Variants in R3HDM2 observed in about 807,000 individuals in gnomAD.
R3HDM2 encodes the protein R3H domain containing 2.
A neutral mutation model predicts 124.5 loss-of-function variants in R3HDM2; 38 were observed. The observed-to-expected ratio is 0.31, with a 90% confidence interval of 0.24 to 0.40. The LOEUF (loss-of-function observed/expected upper bound fraction) is 0.40. Ranked by LOEUF, R3HDM2 falls within the 10% of genes least tolerant of loss-of-function variation. The pLI, the probability that R3HDM2 is intolerant of heterozygous loss-of-function variation, is 1.00. For synonymous variants in R3HDM2, 391 were observed against 448.0 expected, an observed-to-expected ratio of 0.87 and a Z score of 1.61; for missense variants, 869 against 1,236.9, an observed-to-expected ratio of 0.70 and a Z score of 4.46.
chr12:57,364,705 A>T (rs2062387523), intron 2 of R3HDM2, among the ~76,000 whole-genome samples: 1 of 151,978 alleles, frequency 6.6e-6, no homozygotes, highest in Admixed American at 6.6e-5. Context: ...CTGTAATCCC[A>T]GCACTTTGGG....
At chr12:57,395,434 C>T (rs528882578) in intron 2 of R3HDM2, among the ~76,000 whole-genome samples, 98 of 151,814 alleles carry the variant, frequency 6.5e-4, no homozygotes, top group Non-Finnish European at 1.0e-4. Context: ...AACCCGGGAG[C>T]GGAGGTTGCG....
chr12:57,306,971 C>T (rs1047210669), intron 3 of R3HDM2, among the ~76,000 whole-genome samples: 1 of 152,058 alleles, frequency 6.6e-6, no homozygotes, highest in Non-Finnish European at 1.5e-5. Context: ...GCCAAGATTG[C>T]GCCACTGCGC....
intron 1 of R3HDM2, among the ~76,000 whole-genome samples, chr12:57,414,131 G>A (rs577912715): frequency 6.6e-6 from 1 of 151,214 alleles, no homozygotes; most frequent in Admixed American, 6.6e-5. Context: ...TCACAGGCGT[G>A]AGCCACCTTG....
rs1268906812 is a variant in R3HDM2 at position 57,310,316 on chromosome 12, T to G, written c.113A>C (p.Lys38Thr). The change falls in exon 3 of 24, where the codon AAG becomes ACG. Residue 38 changes from lysine to threonine, a missense_variant. By Grantham distance (78) the Lys-to-Thr change is moderately conservative. Around this residue, in one of 2 missense-constraint regions of R3HDM2, gnomAD observed 267 missense variants for 447.7 expected, o/e 0.60. Coordinates refer to ENST00000402412, the MANE Select transcript of R3HDM2 (RefSeq NM_001394031.1). ...KNKFISKTPS[K>T]EEIEKECEDT... Reference sequence around the variant, plus strand: ...TTCACATTCTTTCTCAATTTCTTCCTTACTTGGAGTCTTAGATATAAACTT... The same window carrying G: ...TTCACATTCTTTCTCAATTTCTTCCGTACTTGGAGTCTTAGATATAAACTT... The G allele has an allele frequency of 6.5e-6, 10 of 1,547,752 alleles. No individual in the cohort carries two copies. The highest frequency in any genetic ancestry group is 7.9e-6 in the Non-Finnish European group (9 of 1,145,960).
chr12:57,378,351 A>G (rs921015002), intron 2 of R3HDM2, among the ~76,000 whole-genome samples: 1 of 152,068 alleles, frequency 6.6e-6, no homozygotes, highest in African/African-American at 2.4e-5. Flanking sequence ...ATTTGCTTTC[A>G]TGGATTCCAT....
chr12:57,429,311 T>C (rs1868994274), intron 1 of R3HDM2, among the ~76,000 whole-genome samples: 1 of 152,238 alleles, frequency 6.6e-6, no homozygotes, highest in Non-Finnish European at 1.5e-5. Context: ...TGTTAGGAGT[T>C]CATCAGGCCT....
intron 2 of R3HDM2, among the ~76,000 whole-genome samples, chr12:57,370,484 T>C (rs1359932658): frequency 1.5e-5 from 2 of 131,514 alleles, no homozygotes; most frequent in Non-Finnish European, 3.2e-5. Context: ...CTACTAAAAA[T>C]ACAAAATTAG....
chr12:57,331,440 A>G (rs1363901638), intron 2 of R3HDM2, among the ~76,000 whole-genome samples: 1 of 152,040 alleles, frequency 6.6e-6, no homozygotes. Context: ...CTATCAATTT[A>G]TTTTACTATT....
chr12:57,429,444 T>A (rs1028436228), intron 1 of R3HDM2, among the ~76,000 whole-genome samples: 3 of 152,132 alleles, frequency 2.0e-5, no homozygotes, highest in Non-Finnish European at 4.4e-5. Flanking sequence ...TTAAACTTTT[T>A]GTCTTTCCCG....
rs7132968 is a variant in R3HDM2 at position 57,296,845 on chromosome 12, A to G, written c.561-294T>C. On this transcript the variant is annotated intron_variant, in intron 8 of 23. Transcript: ENST00000402412. The surrounding 1 kb of genome is among the most constrained non-coding windows in gnomAD (Gnocchi z 4.5). Reference sequence around the variant, plus strand: ...TTGGGAGGCCAAGGCAGGCGGATCAATTGAGTTCAGGAGTTCAAGACCAGC... The same window carrying G: ...TTGGGAGGCCAAGGCAGGCGGATCAGTTGAGTTCAGGAGTTCAAGACCAGC... 9,769 of 268,038 alleles carry G rather than the reference A, an allele frequency of 0.036. 734 individuals are homozygous for G. Among genetic ancestry groups the G allele is most frequent in the African/African-American group, 0.18 (7,978 of 45,136 alleles). The allele number at this position is 268,038 out of a possible 1,614,324, so 16.6% of individuals were successfully genotyped here. A position where few individuals can be genotyped will look rare whatever the true frequency, so the allele number is the denominator to read the frequency against.
At position 57,254,054 on chromosome 12, in the gene R3HDM2, T is replaced by G. The variant is rs1325907972; in HGVS notation, c.*719A>C. 1.2e-5 allele frequency: 5 copies of G among 415,408 alleles called. No homozygotes were observed. The highest frequency in any genetic ancestry group is 2.3e-5 in the Non-Finnish European group (5 of 215,656). 25.7% of individuals were successfully genotyped at this position (415,408 alleles called of 1,614,324 possible). On this transcript the variant is annotated 3_prime_UTR_variant, in exon 24 of 24. Transcript: ENST00000402412. ...CAATCAATTTTGTTTATCTTAATTC[T>G]GTCCATATAAATATATTCATAAAGA...
chr12:57,329,306 C>T (rs116055171), intron 2 of R3HDM2, among the ~76,000 whole-genome samples: 2,286 of 152,256 alleles, frequency 0.015, 43 homozygotes, highest in African/African-American at 0.045. Flanking sequence ...TAGGAGACAA[C>T]AATCATGTTA....
At chr12:57,268,785 GA>G (rs1426254814) in intron 17 of R3HDM2, 136 bp downstream of exon 17, 3 of 1,183,442 alleles carry the variant, frequency 2.5e-6, no homozygotes, top group Non-Finnish European at 2.3e-6. Context: ...TCCGTTATAG[GA>G]AAAAAACCTA....
intron 14 of R3HDM2, among the ~76,000 whole-genome samples, chr12:57,270,595 A>C (rs1275465919): frequency 6.6e-6 from 1 of 151,660 alleles, no homozygotes; most frequent in Non-Finnish European, 1.5e-5. Context: ...AAGCCCAGCT[A>C]ATTTTTTTTG....
At chr12:57,325,844 TTTC>T (rs983213353) in intron 2 of R3HDM2, among the ~76,000 whole-genome samples, 63 of 150,246 alleles carry the variant, frequency 4.2e-4, no homozygotes, top group African/African-American at 1.5e-3. Flanking sequence ...TGCCTGGTTT[TTTC>T]TTTTCTTTTT....
intron 2 of R3HDM2, among the ~76,000 whole-genome samples, chr12:57,383,635 G>C (rs1430386699): frequency 6.6e-6 from 1 of 152,110 alleles, no homozygotes; most frequent in Non-Finnish European, 1.5e-5. Context: ...TTGAACCCAG[G>C]AGGTGGAGGT....
At chr12:57,429,042 GGCCAGTCAGGCAT>G (rs1447997363) in intron 1 of R3HDM2, among the ~76,000 whole-genome samples, 3 of 151,992 alleles carry the variant, frequency 2.0e-5, no homozygotes, top group African/African-American at 7.2e-5. Context: ...CACCGTGCCC[GGCCAGTCAGGCAT>G]GCTATTTTTA....
At chr12:57,315,979 C>G (rs979740863) in intron 2 of R3HDM2, among the ~76,000 whole-genome samples, 1 of 152,102 alleles carries the variant, frequency 6.6e-6, no homozygotes, top group Non-Finnish European at 1.5e-5. Context: ...ATTAGCCGGG[C>G]GTGGTGGCAC....
intron 1 of R3HDM2, among the ~76,000 whole-genome samples, chr12:57,427,768 G>A (rs1040692857): frequency 3.9e-5 from 6 of 151,998 alleles, no homozygotes; most frequent in Non-Finnish European, 7.4e-5. Context: ...TATGCAGGAG[G>A]GGCTTTGCCA....
Sources: gnomAD v4.1 joint callset for allele counts (sites outside exome capture counted in the v4.1 genomes callset) on GRCh38, gnomAD v4.1.1 for gene constraint, gnomAD v4.1.1 regional missense constraint, Gnocchi (gnomAD v3.1) non-coding constraint, MANE v1.5 for transcripts, NCBI Gene and HGNC (gene_info 2026-07-23, HGNC 2026-07-21) for gene names.